Variants in UGT2B10 observed in about 807,000 individuals in gnomAD.
UGT2B10 encodes the protein UDP-glucuronosyltransferase 2B10.
UGT2B10 carries 51 observed loss-of-function variants against 43.7 expected under a neutral mutation model. That is an observed-to-expected ratio of 1.17 (90% confidence interval 0.93 to 1.47). The LOEUF (loss-of-function observed/expected upper bound fraction) is 1.47, where lower values mean the gene tolerates loss of function less well. Among genes scored for constraint, UGT2B10 ranks in the 40% most tolerant of loss-of-function variants. The pLI, the probability that UGT2B10 is intolerant of heterozygous loss-of-function variation, is 0.00. For missense variants in UGT2B10, 696 were observed against 617.7 expected, an observed-to-expected ratio of 1.13 and a Z score of -1.34; for synonymous variants, 225 against 209.0, an observed-to-expected ratio of 1.08 and a Z score of -0.66.
Position 68,822,149 on chromosome 4 carries a change from T to C in UGT2B10, c.868-122T>C, listed in dbSNP as rs896220413. On this transcript the variant is annotated intron_variant, in intron 2 of 5. Transcript: ENST00000265403. The stretch of plus-strand genomic sequence containing the variant: ...GATTGAGTCAGTTAAAAAATATTAT[T>C]TACTCCAATAATTCCTCAAAATACT... 4.2e-6 allele frequency: 6 copies of C among 1,416,846 alleles called. No homozygotes were observed. The Admixed American group carries it at 1.4e-4, about 33-fold the overall frequency. 87.8% of individuals were successfully genotyped at this position (1,416,846 alleles called of 1,614,324 possible). A position where few individuals can be genotyped will look rare whatever the true frequency, so the allele number is the denominator to read the frequency against.
chr4:68,817,926 AC>A, intron 1 of UGT2B10, 102 bp from the exon 2 acceptor site: 4 of 1,400,740 alleles, frequency 2.9e-6, no homozygotes, highest in Non-Finnish European at 3.8e-6. Flanking sequence ...AAGCACACAA[AC>A]TTTACCAACA....
chr4:68,830,493 G>C, intron 5 of UGT2B10, 107 bp from the exon 6 acceptor site: 1 of 1,304,716 alleles, frequency 7.7e-7, no homozygotes, highest in South Asian at 2.0e-5. Flanking sequence ...TCAATTCTTT[G>C]ACATTTACTT....
At chr4:68,822,624 G>A (rs1737566174) in intron 3 of UGT2B10, among the ~76,000 whole-genome samples, 3 of 152,064 alleles carry the variant, frequency 2.0e-5, no homozygotes, top group African/African-American at 7.2e-5. Flanking sequence ...ATGCATGAGT[G>A]ATTCCTATTA....
chr4:68,820,744 C>T (rs1737451283), intron 2 of UGT2B10, among the ~76,000 whole-genome samples: 1 of 151,786 alleles, frequency 6.6e-6, no homozygotes, highest in Admixed American at 6.6e-5. Flanking sequence ...GGGCAAAATC[C>T]ATAATAAAAA....
intron 5 of UGT2B10, 56 bp downstream of exon 5, chr4:68,827,604 G>T (rs778948853): frequency 4.5e-4 from 718 of 1,601,034 alleles, no homozygotes; most frequent in Non-Finnish European, 5.6e-4. Context: ...TTTCTTGTCA[G>T]TAGTGAGCAT....
At chr4:68,823,377 T>A (rs1363814901) in intron 3 of UGT2B10, among the ~76,000 whole-genome samples, 9 of 151,916 alleles carry the variant, frequency 5.9e-5, no homozygotes, top group Non-Finnish European at 1.3e-4. Context: ...AGTGGTGGTG[T>A]GTGCCTGTAA....
rs376240349 is a variant in UGT2B10, at chr4:68,827,501, G to A, written c.1260G>A (p.Ser420=). The change falls in exon 5 of 6, where the codon TCG becomes TCA. Residue 420 remains serine (S), a synonymous_variant. Coordinates refer to ENST00000265403, the MANE Select transcript of UGT2B10 (RefSeq NM_001075.6). ...TTAGAGTGGACTTCAACACAATGTCGAGTACAGACCTGCTGAATGCACTGA... is the reference window on the plus strand; with the variant it reads ...TTAGAGTGGACTTCAACACAATGTCAAGTACAGACCTGCTGAATGCACTGA... The part of the protein sequence containing the change: ...AAVRVDFNTM[S]STDLLNALKT... 166 of 1,613,366 alleles carry A rather than the reference G, an allele frequency of 1.0e-4. No individual in the cohort carries two copies. The African/African-American group carries it at 1.9e-3, about 19-fold the overall frequency.
At chr4:68,819,605 AGAT>A (rs1737393890) in intron 2 of UGT2B10, among the ~76,000 whole-genome samples, 1 of 151,988 alleles carries the variant, frequency 6.6e-6, no homozygotes, top group Non-Finnish European at 1.5e-5. Flanking sequence ...CTATTAGAGC[AGAT>A]GATTTCTGCC....
At chr4:68,822,105 C>T (rs1049208733) in intron 2 of UGT2B10, among the ~76,000 whole-genome samples, 166 bp from the exon 3 acceptor site, 13 of 152,062 alleles carry the variant, frequency 8.5e-5, no homozygotes, top group African/African-American at 2.7e-4. Context: ...TCTCATACAT[C>T]TTCTTGCAAA....
chr4:68,827,076 A>T (rs1229338831), intron 4 of UGT2B10, among the ~76,000 whole-genome samples: 9 of 151,990 alleles, frequency 5.9e-5, no homozygotes, highest in South Asian at 2.1e-4. Context: ...TGCACATTTT[A>T]AAAATCTAGA....
intron 4 of UGT2B10, among the ~76,000 whole-genome samples, chr4:68,827,083 T>C (rs1737817729): frequency 6.6e-6 from 1 of 152,092 alleles, no homozygotes; most frequent in Non-Finnish European, 1.5e-5. Flanking sequence ...TTTAAAAATC[T>C]AGAATGCTCT....
At position 68,830,699 on chromosome 4, in the gene UGT2B10, C is replaced by T. The variant is rs762269542; in HGVS notation, c.1407C>T (p.His469=). The T allele has an allele frequency of 5.0e-6, 8 of 1,613,310 alleles. 1 individual carries two copies. The African/African-American group carries it at 5.3e-5, about 11-fold the overall frequency. ...AVFWIEFVMR[H]KGAKHLRVAA... is the part of the protein sequence containing the mutation. ...TCTGGATTGAATTTGTCATGCGCCACAAAGGAGCCAAACATCTTCGAGTTG... is the reference window on the plus strand; with the variant it reads ...TCTGGATTGAATTTGTCATGCGCCATAAAGGAGCCAAACATCTTCGAGTTG... The change falls in exon 6 of 6, where the codon CAC becomes CAT. Residue 469 remains histidine, a synonymous_variant. Coordinates refer to ENST00000265403, the MANE Select transcript of UGT2B10 (RefSeq NM_001075.6).
rs771371731 is a variant in UGT2B10, at chr4:68,830,910, G to A, written c.*31G>A. ...TCTGAGATTTGAAGCTGGAAAACCT[G>A]ATAGATAGGAATACTTCAGTTGATT... On this transcript the variant is annotated 3_prime_UTR_variant, in exon 6 of 6. Coordinates refer to ENST00000265403, the MANE Select transcript of UGT2B10 (RefSeq NM_001075.6). 3.1e-6 allele frequency: 5 copies of A among 1,602,924 alleles called. No homozygotes were observed.
rs747657481 is a variant in UGT2B10 at position 68,827,472 on chromosome 4, G to T, written c.1231G>T (p.Ala411Ser). The change falls in exon 5 of 6, where the codon GCT becomes TCT. Residue 411 changes from alanine (A) to serine (S), a missense_variant. Coordinates refer to ENST00000265403, the MANE Select transcript of UGT2B10 (RefSeq NM_001075.6). ...TGCTCACATGAAGGCCAAGGGAGCA[G>T]CTGTTAGAGTGGACTTCAACACAAT... Reference protein sequence around the residue: ...NIAHMKAKGAAVRVDFNTMSS... With the variant: ...NIAHMKAKGASVRVDFNTMSS... 1.9e-6 allele frequency: 3 copies of T among 1,613,532 alleles called. No homozygotes were observed. The Admixed American group carries it at 5.0e-5, about 27-fold the overall frequency.
chr4:68,819,663 G>A (rs1737395988), intron 2 of UGT2B10, among the ~76,000 whole-genome samples: 1 of 151,908 alleles, frequency 6.6e-6, no homozygotes, highest in Non-Finnish European at 1.5e-5. Flanking sequence ...AACTCGTCTT[G>A]ACATCATAGG....
chr4:68,829,701 G>A (rs763126857), intron 5 of UGT2B10, among the ~76,000 whole-genome samples: 18 of 151,992 alleles, frequency 1.2e-4, no homozygotes, highest in South Asian at 8.3e-4. Flanking sequence ...CTCCAAGAGC[G>A]GGAGAGAAGG....
At chr4:68,828,010 T>C (rs936223196) in intron 5 of UGT2B10, among the ~76,000 whole-genome samples, 6 of 151,956 alleles carry the variant, frequency 3.9e-5, no homozygotes, top group African/African-American at 9.7e-5. Flanking sequence ...AACCCACCTA[T>C]TTATGGCAAA....
intron 3 of UGT2B10, among the ~76,000 whole-genome samples, chr4:68,823,816 T>C (rs1339270833): frequency 3.3e-5 from 5 of 152,108 alleles, no homozygotes; most frequent in Non-Finnish European, 7.4e-5. Flanking sequence ...GCTATAATAA[T>C]AGGCTGTTTT....
At position 68,818,091 on chromosome 4, in the gene UGT2B10, T is replaced by C. The variant is rs375675439; in HGVS notation, c.781T>C (p.Trp261Arg). 5.0e-6 allele frequency: 8 copies of C among 1,611,994 alleles called. 1 individual carries two copies. Among genetic ancestry groups the C allele is most frequent in the Middle Eastern group, 1.7e-4 (1 of 6,046 alleles). ...TGACATATGGCTTATGCGAAACTCCTGGAATTTTAAATTTCCTCATCCATT... is the reference window on the plus strand; with the variant it reads ...TGACATATGGCTTATGCGAAACTCCCGGAATTTTAAATTTCCTCATCCATT... The part of the protein sequence containing the change: ...KADIWLMRNS[W>R]NFKFPHPFLP... The change falls in exon 2 of 6, where the codon TGG becomes CGG. Residue 261 changes from tryptophan (W) to arginine (R), a missense_variant. By Grantham distance (101) the Trp-to-Arg change is moderately radical. Coordinates refer to ENST00000265403, the MANE Select transcript of UGT2B10 (RefSeq NM_001075.6).
Sources: allele counts gnomAD v4.1 joint callset (sites outside exome capture counted in the v4.1 genomes callset), GRCh38; gene constraint gnomAD v4.1.1; transcripts MANE v1.5; gene names NCBI Gene and HGNC (gene_info 2026-07-23, HGNC 2026-07-21).